The following RBFOX1 variants were observed in gnomAD, a reference collection of about 807,000 sequenced individuals.
RBFOX1 encodes the protein RNA binding protein fox-1 homolog 1.
A neutral mutation model predicts 57.7 loss-of-function variants in RBFOX1; 8 were observed. That is an observed-to-expected ratio of 0.14 (90% CI 0.08 to 0.25). RBFOX1 has a LOEUF of 0.25. Among genes scored for constraint, RBFOX1 ranks in the 10% least tolerant of loss-of-function variants. RBFOX1 has a pLI of 1.00. For missense variants in RBFOX1, 611 were observed against 548.5 expected (o/e 1.11, Z -1.14); for synonymous variants, 326 against 222.4 (o/e 1.47, Z -4.15).
chr16:6,470,250 T>C (rs1461887287), intron 2 of RBFOX1, among the ~76,000 whole-genome samples: 1 of 152,218 alleles, frequency 6.6e-6, no homozygotes, highest in Non-Finnish European at 1.5e-5. Flanking sequence ...TGAGTAGGTT[T>C]AACAAGTAAC....
chr16:5,241,583 G>A (rs569722265), intron 1 of RBFOX1, among the ~76,000 whole-genome samples: 6 of 152,196 alleles, frequency 3.9e-5, no homozygotes, highest in South Asian at 4.1e-4. Context: ...CATGGCACAC[G>A]CCAGTTACCC....
intron 3 of RBFOX1, among the ~76,000 whole-genome samples, chr16:6,710,126 G>T (rs553855301): frequency 6.6e-6 from 1 of 152,070 alleles, no homozygotes; most frequent in Non-Finnish European, 1.5e-5. Context: ...CATGAGTTTT[G>T]GGACTGAGGG....
chr16:7,274,664 A>C (rs887368529), intron 4 of RBFOX1, among the ~76,000 whole-genome samples: 4 of 150,076 alleles, frequency 2.7e-5, no homozygotes, highest in African/African-American at 9.8e-5. Flanking sequence ...TATTTGAGAT[A>C]GAGCATTAGG....
At chr16:5,703,891 C>T (rs922078582) in intron 3 of RBFOX1, among the ~76,000 whole-genome samples, 2 of 152,056 alleles carry the variant, frequency 1.3e-5, no homozygotes, top group Admixed American at 6.6e-5. Context: ...TACAAAGGTG[C>T]TTAGCATATT....
At chr16:5,818,275 A>G (rs2055716403) in intron 3 of RBFOX1, among the ~76,000 whole-genome samples, 2 of 152,150 alleles carry the variant, frequency 1.3e-5, no homozygotes, top group Non-Finnish European at 2.9e-5. Context: ...CAATGGACTG[A>G]CAGGGTGAAG....
intron 1 of RBFOX1, among the ~76,000 whole-genome samples, chr16:6,149,485 T>C (rs2096782661): frequency 1.3e-5 from 2 of 152,252 alleles, no homozygotes; most frequent in African/African-American, 4.8e-5. Flanking sequence ...AATTATTCCG[T>C]GATGGGACAT....
chr16:7,485,476 A>G (rs563566178), intron 4 of RBFOX1, among the ~76,000 whole-genome samples: 6 of 152,238 alleles, frequency 3.9e-5, no homozygotes, highest in East Asian at 3.9e-4. Context: ...AACCTCCCAC[A>G]TGTGCTTTTT....
In RBFOX1 at chr16:6,535,946, C is replaced by T. The variant is rs556625379; in HGVS notation, c.-63-118657C>T. On this transcript the variant is annotated intron_variant, in intron 2 of 15. Coordinates refer to ENST00000550418, the MANE Select transcript of RBFOX1 (RefSeq NM_018723.4). ...AGATGACACTGACTTTAAACTTTGA[C>T]CCACTAAGATGCCTCTTTAGTTTCT... Among the ~76,000 whole-genome samples, 12 of 152,328 alleles carry T rather than the reference C, an allele frequency of 7.9e-5. No individual in the cohort carries two copies. The South Asian group carries it at 2.5e-3, about 32-fold the overall frequency.
intron 1 of RBFOX1, among the ~76,000 whole-genome samples, chr16:6,103,477 G>A (rs1312073893): frequency 1.3e-5 from 2 of 152,092 alleles, no homozygotes; most frequent in African/African-American, 2.4e-5. Context: ...GGTTGATGCT[G>A]TAACAAACAT....
At chr16:7,144,043 A>G (rs1195215647) in intron 4 of RBFOX1, among the ~76,000 whole-genome samples, 1 of 152,118 alleles carries the variant, frequency 6.6e-6, no homozygotes, top group African/African-American at 2.4e-5. Flanking sequence ...AGGTCCGTAA[A>G]GGCTGAGTTT....
chr16:7,694,966 A>G (rs1254444253), intron 14 of RBFOX1, among the ~76,000 whole-genome samples: 2 of 152,298 alleles, frequency 1.3e-5, no homozygotes, highest in South Asian at 2.1e-4. Context: ...TGAAAAAGAT[A>G]TTGATTTTGC....
intron 3 of RBFOX1, among the ~76,000 whole-genome samples, chr16:5,657,622 CTCTT>C (rs913576502): frequency 7.1e-4 from 73 of 103,040 alleles, no homozygotes; most frequent in South Asian, 1.9e-3. Context: ...CTTTCTTTCT[CTCTT>C]TCTTTCTTTC....
At chr16:5,391,328 AG>A (rs2066401632) in intron 1 of RBFOX1, among the ~76,000 whole-genome samples, 1 of 124,104 alleles carries the variant, frequency 8.1e-6, no homozygotes, top group East Asian at 2.1e-4. Context: ...TTCCTCCTAG[AG>A]GCTTTAGGGG....
At chr16:7,323,032 A>C (rs1263570275) in intron 4 of RBFOX1, among the ~76,000 whole-genome samples, 1 of 151,942 alleles carries the variant, frequency 6.6e-6, no homozygotes, top group East Asian at 1.9e-4. Flanking sequence ...TGCTCTTTGG[A>C]TTTGTATTCC....
rs1331237050 is a variant in RBFOX1, at chr16:7,666,232, C to T, written c.930+1264C>T. On this transcript the variant is annotated intron_variant, in intron 13 of 15. Coordinates refer to ENST00000550418, the MANE Select transcript of RBFOX1 (RefSeq NM_018723.4). The stretch of plus-strand genomic sequence containing the variant: ...AGTCCTGGCTCTCGACTCCATGCAG[C>T]CCATGGGTAGATTATTGCAGATGGG... Among the ~76,000 whole-genome samples the T allele has an allele frequency of 2.0e-5, 3 of 152,212 alleles. No individual in the cohort carries two copies. In the East Asian group the frequency reaches 5.8e-4, roughly 29 times the overall value.
intron 3 of RBFOX1, among the ~76,000 whole-genome samples, chr16:5,625,258 G>C (rs1202157730): frequency 6.6e-6 from 1 of 152,064 alleles, no homozygotes; most frequent in Non-Finnish European, 1.5e-5. Flanking sequence ...GGACCTGGGC[G>C]TGGTAGGGGC....
chr16:7,078,688 TTTA>T (rs2058680693), intron 4 of RBFOX1, among the ~76,000 whole-genome samples: 1 of 143,182 alleles, frequency 7.0e-6, no homozygotes. Context: ...TTTATTTTAT[TTTA>T]TTTTTTTTTG....
At chr16:6,873,577 T>C (rs181789566) in intron 3 of RBFOX1, among the ~76,000 whole-genome samples, 9 of 152,322 alleles carry the variant, frequency 5.9e-5, no homozygotes, top group African/African-American at 1.9e-4. Context: ...GCATAAACTA[T>C]TGAGTTAAAC....
At chr16:6,581,887 G>C (rs779598584) in intron 2 of RBFOX1, among the ~76,000 whole-genome samples, 1 of 152,240 alleles carries the variant, frequency 6.6e-6, no homozygotes, top group Admixed American at 6.5e-5. Context: ...ATTTCAACAT[G>C]TCAAGGTTTT....
Sources: allele counts gnomAD v4.1 joint callset (sites outside exome capture counted in the v4.1 genomes callset), GRCh38; gene constraint gnomAD v4.1.1; transcripts MANE v1.5; gene names NCBI Gene and HGNC (gene_info 2026-07-23, HGNC 2026-07-21).